The following MACROD2 variants were observed in gnomAD, a reference collection of about 807,000 sequenced individuals.
MACROD2 encodes mono-ADP ribosylhydrolase 2.
MACROD2 carries 36 observed loss-of-function variants against 70.4 expected under a neutral mutation model. That is an observed-to-expected ratio of 0.51 (90% CI 0.39 to 0.68). The LOEUF is 0.68. MACROD2 is among the 30% of genes least tolerant of loss of function. MACROD2 has a pLI of 0.00. For missense variants in MACROD2, 496 were observed against 538.4 expected (o/e 0.92, Z 0.78); for synonymous variants, 172 against 178.8 (o/e 0.96, Z 0.30).
intron 8 of MACROD2, among the ~76,000 whole-genome samples, chr20:15,803,989 C>G (rs565337127): frequency 6.6e-6 from 1 of 152,164 alleles, no homozygotes; most frequent in Non-Finnish European, 1.5e-5. Flanking sequence ...AGATTTTAGA[C>G]TCCCAAAGAA....
intron 8 of MACROD2, among the ~76,000 whole-genome samples, chr20:15,733,943 G>C (rs1398917955): frequency 6.6e-6 from 1 of 152,164 alleles, no homozygotes; most frequent in Non-Finnish European, 1.5e-5. Context: ...TTTATGGAGA[G>C]TTGTGTGGTC....
intron 8 of MACROD2, among the ~76,000 whole-genome samples, chr20:15,859,825 C>T (rs567511761): frequency 6.7e-4 from 101 of 150,318 alleles, no homozygotes; most frequent in South Asian, 1.9e-3. Context: ...ATTTCCATGG[C>T]AACAGAGCCT....
In MACROD2 at chr20:15,514,211, T is replaced by C. The variant is rs138812076; in HGVS notation, c.645+14364T>C. Among the ~76,000 whole-genome samples the C allele has an allele frequency of 2.4e-3, 373 of 152,362 alleles. 1 individual carries two copies. The Middle Eastern group carries it at 0.054, about 22-fold the overall frequency. On this transcript the variant is annotated intron_variant, in intron 8 of 17. Coordinates refer to ENST00000684519, the MANE Select transcript of MACROD2 (RefSeq NM_001351661.2). ...ATTTTCAAATAAATTTAGGGTTGCC[T>C]ACATGTACAGTGTGTATAAAGTCCA...
chr20:14,770,319 A>G (rs542022364), intron 5 of MACROD2, among the ~76,000 whole-genome samples: 15 of 152,138 alleles, frequency 9.9e-5, no homozygotes, highest in African/African-American at 3.6e-4. Flanking sequence ...ATCTTCAAAT[A>G]GGGGACTACA....
intron 8 of MACROD2, among the ~76,000 whole-genome samples, chr20:15,715,089 G>A (rs563700355): frequency 5.9e-5 from 9 of 152,160 alleles, no homozygotes; most frequent in Non-Finnish European, 1.0e-4. Flanking sequence ...AGGGTTCACA[G>A]GTTTATATTA....
At chr20:15,193,251 C>CA (rs1474479625) in intron 5 of MACROD2, among the ~76,000 whole-genome samples, 1 of 152,060 alleles carries the variant, frequency 6.6e-6, no homozygotes, top group Non-Finnish European at 1.5e-5. Flanking sequence ...GAAGTTCTTC[C>CA]AAAATCTATA....
At chr20:14,447,706 C>T (rs2084198355) in intron 3 of MACROD2, among the ~76,000 whole-genome samples, 1 of 151,956 alleles carries the variant, frequency 6.6e-6, no homozygotes, top group Non-Finnish European at 1.5e-5. Context: ...TGTAACTGAA[C>T]TCTACTCCAG....
At chr20:15,358,662 G>T (rs1445706505) in intron 6 of MACROD2, among the ~76,000 whole-genome samples, 2 of 152,026 alleles carry the variant, frequency 1.3e-5, no homozygotes, top group African/African-American at 4.8e-5. Flanking sequence ...CTACAGACTG[G>T]GTGACTTAAA....
intron 8 of MACROD2, among the ~76,000 whole-genome samples, chr20:15,578,174 T>G (rs1366020765): frequency 6.6e-6 from 1 of 152,172 alleles, no homozygotes; most frequent in Non-Finnish European, 1.5e-5. Context: ...GGGTGCATGA[T>G]CACAGGTAAA....
chr20:14,285,683 G>A (rs1467942911), intron 3 of MACROD2, among the ~76,000 whole-genome samples: 1 of 151,860 alleles, frequency 6.6e-6, no homozygotes, highest in African/African-American at 2.4e-5. Flanking sequence ...CTCACTTTAT[G>A]GGAAGGTTGT....
intron 4 of MACROD2, among the ~76,000 whole-genome samples, chr20:14,554,753 CAG>C: frequency 6.6e-6 from 1 of 152,190 alleles, no homozygotes; most frequent in Non-Finnish European, 1.5e-5. Flanking sequence ...AAACAACTCT[CAG>C]GGGGAAAATA....
In MACROD2 at chr20:15,933,308, G is replaced by A. The variant is rs1374984922; in HGVS notation, c.808G>A (p.Glu270Lys). The A allele has an allele frequency of 6.2e-7, 1 of 1,613,336 alleles. No individual in the cohort carries two copies. Among genetic ancestry groups the A allele is most frequent in the South Asian group, 1.1e-5 (1 of 91,050 alleles). Residue 270 changes from glutamate to lysine, a missense_variant, in exon 11 of 18, where the codon GAA (glutamate) becomes AAA (lysine). Coordinates refer to ENST00000684519, the MANE Select transcript of MACROD2 (RefSeq NM_001351661.2). ...CGGTCCAGAGGAGAAGCAAAGTGTG[G>A]AAGAAATGGAAGAGCAGAGCCAAGA... The part of the protein sequence containing the change: ...ENGPEEKQSV[E>K]EMEEQSQDAD...
intron 2 of MACROD2, among the ~76,000 whole-genome samples, chr20:14,050,984 G>A (rs768881540): frequency 5.3e-5 from 8 of 152,146 alleles, no homozygotes; most frequent in Non-Finnish European, 8.8e-5. Flanking sequence ...ACCTAATGCC[G>A]TGGCGTATTA....
At chr20:14,823,821 G>T (rs2072873953) in intron 5 of MACROD2, among the ~76,000 whole-genome samples, 1 of 151,968 alleles carries the variant, frequency 6.6e-6, no homozygotes, top group South Asian at 2.1e-4. Context: ...GCTAAGAAGA[G>T]GAAATAGACT....
At chr20:14,253,455 A>G (rs1319894620) in intron 3 of MACROD2, among the ~76,000 whole-genome samples, 2 of 152,058 alleles carry the variant, frequency 1.3e-5, no homozygotes, top group African/African-American at 4.8e-5. Flanking sequence ...TGTATGTGAA[A>G]GATGATATAG....
chr20:14,124,714 A>G (rs1419454280), intron 3 of MACROD2, among the ~76,000 whole-genome samples: 1 of 152,166 alleles, frequency 6.6e-6, no homozygotes, highest in Non-Finnish European at 1.5e-5. Flanking sequence ...AAAATGGTGG[A>G]GCCACTGTAG....
At chr20:15,397,534 A>C (rs1281713287) in intron 6 of MACROD2, among the ~76,000 whole-genome samples, 1 of 152,114 alleles carries the variant, frequency 6.6e-6, no homozygotes. Flanking sequence ...TCCTGGACTC[A>C]AGTGATCTGC....
chr20:16,029,191 G>A (rs2067120327), intron 15 of MACROD2, among the ~76,000 whole-genome samples: 1 of 152,108 alleles, frequency 6.6e-6, no homozygotes, highest in African/African-American at 2.4e-5. Context: ...TTTAACCTTG[G>A]TTGTCTCCAA....
At chr20:14,637,926 GCTC>G (rs1984870495) in intron 4 of MACROD2, among the ~76,000 whole-genome samples, 1 of 152,104 alleles carries the variant, frequency 6.6e-6, no homozygotes, top group Non-Finnish European at 1.5e-5. Flanking sequence ...TTCTTGTCAA[GCTC>G]CTGTCAGGAT....
Sources: gnomAD v4.1 joint callset for allele counts (sites outside exome capture counted in the v4.1 genomes callset) on GRCh38, gnomAD v4.1.1 for gene constraint, MANE v1.5 for transcripts, NCBI Gene and HGNC (gene_info 2026-07-23, HGNC 2026-07-21) for gene names.